The following RBM22 variants were observed in gnomAD, a reference collection of about 807,000 sequenced individuals.
The protein encoded by RBM22 is RNA binding motif protein 22.
RBM22 carries 1 observed loss-of-function variant against 50.1 expected under a neutral mutation model. That is an observed-to-expected ratio of 0.02 (90% confidence interval 0.01 to 0.09). The LOEUF (loss-of-function observed/expected upper bound fraction) is 0.09. RBM22 is among the 10% of genes least tolerant of loss of function. RBM22 has a pLI of 1.00. For missense variants in RBM22, 264 were observed against 529.3 expected (o/e 0.50, Z 4.92); for synonymous variants, 152 against 179.0 (o/e 0.85, Z 1.20).
chr5:150,697,175 A>G (rs569731766), intron 4 of RBM22, among the ~76,000 whole-genome samples: 2 of 152,234 alleles, frequency 1.3e-5, no homozygotes, highest in East Asian at 3.9e-4. Context: ...TAATCCTAGC[A>G]CTTTGCAAGG....
At chr5:150,700,818 C>T (rs1367847154) in intron 1 of RBM22, 114 bp downstream of exon 1, 1 of 1,603,118 alleles carries the variant, frequency 6.2e-7, no homozygotes, top group Non-Finnish European at 8.5e-7. Context: ...GCTAGGCCGC[C>T]GCGCTGGCTC....
chr5:150,694,122 T>C lies in RBM22; in HGVS notation c.865A>G (p.Asn289Asp). 1.2e-6 allele frequency: 2 copies of C among 1,614,130 alleles called. No individual in the cohort carries two copies. Among genetic ancestry groups the C allele is most frequent in the Non-Finnish European group, 1.7e-6 (2 of 1,180,032 alleles). Residue 289 changes from asparagine (N) to aspartate (D), a missense_variant, in exon 8 of 11, where the codon AAT becomes GAT. Coordinates refer to ENST00000199814, the MANE Select transcript of RBM22 (RefSeq NM_018047.3). The part of the protein sequence containing the change: ...AAEVAAEKSF[N>D]KLIVNGRRLN... ...CTGCGGCCATTTACAATCAACTTAT[T>C]AAAGGACTTCTCAGCAGCCACTTCT...
At chr5:150,695,344 TA>T in intron 7 of RBM22, 161 bp downstream of exon 7, 1 of 653,356 alleles carries the variant, frequency 1.5e-6, no homozygotes. Flanking sequence ...TGTGGCACCA[TA>T]AAGGACAATT....
Position 150,696,408 on chromosome 5 carries a change from G to T in RBM22, c.545+125C>A, listed in dbSNP as rs1759276794. ...TCTAAATTTCATAGTTCTAAGACAT[G>T]AGGTATACCACATTAGTTGTATGAC... On this transcript the variant is annotated intron_variant, in intron 6 of 10. Transcript: ENST00000199814. The surrounding 1 kb of genome is among the most constrained non-coding windows in gnomAD (Gnocchi z 4.3). 3 of 1,035,790 alleles carry T rather than the reference G, an allele frequency of 2.9e-6. No homozygotes were observed. Among genetic ancestry groups the T allele is most frequent in the African/African-American group, 3.2e-5 (2 of 62,266 alleles). 64.2% of individuals were successfully genotyped at this position (1,035,790 alleles called of 1,614,324 possible). A position where few individuals can be genotyped will look rare whatever the true frequency, so the allele number is the denominator to read the frequency against.
chr5:150,698,589 C>T lies in RBM22; in HGVS notation c.181G>A (p.Val61Ile). ...PFTVFRWCPG[V>I]RMRFKKTEVC... is the part of the protein sequence containing the mutation. Reference sequence around the variant, plus strand: ...TCAGTCTTCTTGAAACGCATGCGGACTCCAGGGCACCAGCGAAACACTGTG... The same window carrying T: ...TCAGTCTTCTTGAAACGCATGCGGATTCCAGGGCACCAGCGAAACACTGTG... The change falls in exon 4 of 11, where the codon GTC becomes ATC. Residue 61 changes from valine to isoleucine, a missense_variant. Physicochemically the swap from Val to Ile is conservative, Grantham distance 29. Coordinates refer to ENST00000199814, the MANE Select transcript of RBM22 (RefSeq NM_018047.3). The T allele has an allele frequency of 6.2e-7, 1 of 1,614,126 alleles. No individual in the cohort carries two copies. Among genetic ancestry groups the T allele is most frequent in the East Asian group, 2.2e-5 (1 of 44,876 alleles).
In RBM22 at chr5:150,691,280, G is replaced by C. The variant is rs1448721749; in HGVS notation, c.*471C>G. ...TCTTTCGGAGGGTGTGACTTCAAGA[G>C]TTAAATCACACTTAGGCCACTACAA... On this transcript the variant is annotated 3_prime_UTR_variant, in exon 11 of 11. Transcript: ENST00000199814. The C allele has an allele frequency of 6.6e-6, 1 of 152,320 alleles. No individual in the cohort carries two copies. Among genetic ancestry groups the C allele is most frequent in the Non-Finnish European group, 1.5e-5 (1 of 68,074 alleles). 9.4% of individuals were successfully genotyped at this position (152,320 alleles called of 1,614,324 possible).
intron 3 of RBM22, 104 bp from the exon 4 acceptor site, chr5:150,698,735 AT>A: frequency 7.1e-7 from 1 of 1,417,668 alleles, no homozygotes; most frequent in Non-Finnish European, 9.5e-7. Flanking sequence ...TGAATGTAGG[AT>A]TTAGAAGAGA....
In RBM22 at chr5:150,698,613, T is replaced by C; in HGVS notation, c.157A>G (p.Thr53Ala). 1 of 1,614,064 alleles carries C rather than the reference T, an allele frequency of 6.2e-7. No individual in the cohort carries two copies. Among genetic ancestry groups the C allele is most frequent in the Non-Finnish European group, 8.5e-7 (1 of 1,180,012 alleles). The change falls in exon 4 of 11, where the codon ACA (threonine) becomes GCA (alanine). Residue 53 changes from threonine (T) to alanine (A), a missense_variant. This residue lies in a region of RBM22 where 15 missense variants were observed against 99.4 expected (regional missense o/e 0.15). Coordinates refer to ENST00000199814, the MANE Select transcript of RBM22 (RefSeq NM_018047.3). ...KECKICARPF[T>A]VFRWCPGVRM... ...ACTCCAGGGCACCAGCGAAACACTGTGAATGGCCTGGCACAGATCTGGAAC... is the reference window on the plus strand; with the variant it reads ...ACTCCAGGGCACCAGCGAAACACTGCGAATGGCCTGGCACAGATCTGGAAC...
chr5:150,696,234 A>G lies in RBM22; in HGVS notation c.545+299T>C, dbSNP rs949305446. ...GTCTGACCTTACTTTGACTTCAACTATACATTGAGAGTCAACTCATTTAAA... is the reference window on the plus strand; with the variant it reads ...GTCTGACCTTACTTTGACTTCAACTGTACATTGAGAGTCAACTCATTTAAA... On this transcript the variant is annotated intron_variant, in intron 6 of 10. Transcript: ENST00000199814. The surrounding 1 kb of genome is among the most constrained non-coding windows in gnomAD (Gnocchi z 4.3). 1.3e-5 allele frequency among the ~76,000 whole-genome samples: 2 copies of G among 152,088 alleles called. No individual in the cohort carries two copies. The highest frequency in any genetic ancestry group is 4.1e-4 in the South Asian group (2 of 4,834).
chr5:150,694,388 T>C, intron 7 of RBM22, 148 bp from the exon 8 acceptor site: 7 of 1,268,630 alleles, frequency 5.5e-6, no homozygotes, highest in African/African-American at 1.5e-5. Context: ...CTCCACCCCA[T>C]ATCTTGTCCT....
chr5:150,700,184 C>G (rs1759326912), intron 2 of RBM22, among the ~76,000 whole-genome samples: 1 of 152,138 alleles, frequency 6.6e-6, no homozygotes, highest in Non-Finnish European at 1.5e-5. Flanking sequence ...AAGACACAAA[C>G]GCTCTCACCT....
In RBM22 at chr5:150,693,060, G is replaced by A. The variant is rs202104499; in HGVS notation, c.1001-34C>T. ...GAGAAAATAGTCAACACATAGAGGGGAGAACAATTGTGCAACGCTGTTTCT... is the reference window on the plus strand; with the variant it reads ...GAGAAAATAGTCAACACATAGAGGGAAGAACAATTGTGCAACGCTGTTTCT... On this transcript the variant is annotated intron_variant, in intron 9 of 10. Coordinates refer to ENST00000199814, the MANE Select transcript of RBM22 (RefSeq NM_018047.3). 1.4e-5 allele frequency: 22 copies of A among 1,585,466 alleles called. No individual in the cohort carries two copies. In the African/African-American group the frequency reaches 2.7e-4, roughly 19 times the overall value.
chr5:150,692,899 G>A lies in RBM22; in HGVS notation c.1128C>T (p.Pro376=). The change falls in exon 10 of 11, where the codon CCC becomes CCT. Residue 376 remains proline (P), a synonymous_variant. Coordinates refer to ENST00000199814, the MANE Select transcript of RBM22 (RefSeq NM_018047.3). ...PPPPGIAPPP[P]PGFGPHMFHP... is the part of the protein sequence containing the mutation. ...AAGAAGGAAGATGGAAGTTACCTGG[G>A]GGTGGGGGTGGAGCAATGCCAGGGG... The A allele has an allele frequency of 1.3e-5, 20 of 1,599,722 alleles. No individual in the cohort carries two copies. Among genetic ancestry groups the A allele is most frequent in the Non-Finnish European group, 1.6e-5 (19 of 1,173,856 alleles).
In RBM22 at chr5:150,692,994, C is replaced by T. The variant is rs759075356; in HGVS notation, c.1033G>A (p.Ala345Thr). 3 of 1,612,342 alleles carry T rather than the reference C, an allele frequency of 1.9e-6. No homozygotes were observed. The East Asian group carries it at 6.7e-5, about 36-fold the overall frequency. The change falls in exon 10 of 11, where the codon GCC becomes ACC. Residue 345 changes from alanine to threonine, a missense_variant. Ala to Thr is a moderately conservative substitution (Grantham distance 58, BLOSUM62 0). This residue lies in a region of RBM22 where 106 missense variants were observed against 137.1 expected (regional missense o/e 0.77). Transcript: ENST00000199814. ...GGCAAGTTGAAGTAGTTGGCAGAGG[C>T]TTCTTCTTCTGCTGCAGGAGGAGGA... ...LPPPPAAEEE[A>T]SANYFNLPPS... is the part of the protein sequence containing the mutation.
At position 150,696,887 on chromosome 5, in the gene RBM22, C is replaced by A; in HGVS notation, c.276G>T (p.Leu92=). ...QTCLLDLEYG[L]PIQVRDAGLS... ...ATCCTGCGTCACGAACCTGGATGGG[C>A]AGGCCTGGTACAAAAAAAGAGGAAA... Residue 92 remains leucine (L), a synonymous_variant, in exon 5 of 11, where the codon CTG becomes CTT. Transcript: ENST00000199814. This position sits in a 1 kb window ranked among gnomAD's most constrained non-coding sequence, Gnocchi z 4.3. 2 of 1,614,120 alleles carry A rather than the reference C, an allele frequency of 1.2e-6. No individual in the cohort carries two copies. The highest frequency in any genetic ancestry group is 1.7e-6 in the Non-Finnish European group (2 of 1,180,002).
Position 150,693,250 on chromosome 5 carries a change from G to A in RBM22, c.969C>T (p.Ile323=). The change falls in exon 9 of 11, where the codon ATC becomes ATT. Residue 323 remains isoleucine (I), a synonymous_variant. Coordinates refer to ENST00000199814, the MANE Select transcript of RBM22 (RefSeq NM_018047.3). The part of the protein sequence containing the change: ...KEKDGTTDSG[I]KLEPVPGLPG... ...GCAATCCTGGAACAGGTTCTAGTTT[G>A]ATCCCAGAGTCTGTAGTTCCATCTT... is the stretch of plus-strand genomic sequence containing the variant. 6.2e-7 allele frequency: 1 copy of A among 1,614,078 alleles called. No homozygotes were observed. Among genetic ancestry groups the A allele is most frequent in the Non-Finnish European group, 8.5e-7 (1 of 1,179,964 alleles).
intron 1 of RBM22, 110 bp from the exon 2 acceptor site, chr5:150,700,607 G>A: frequency 6.4e-7 from 1 of 1,565,784 alleles, no homozygotes; most frequent in Non-Finnish European, 8.6e-7. Flanking sequence ...ACTAGGCACG[G>A]CAGGAACCCG....
chr5:150,700,578 C>G lies in RBM22; in HGVS notation c.55-81G>C, dbSNP rs779942440. 36 of 1,600,640 alleles carry G rather than the reference C, an allele frequency of 2.2e-5. No individual in the cohort carries two copies. In the Middle Eastern group the frequency reaches 6.6e-4, roughly 29 times the overall value. On this transcript the variant is annotated intron_variant, in intron 1 of 10. Coordinates refer to ENST00000199814, the MANE Select transcript of RBM22 (RefSeq NM_018047.3). Reference sequence around the variant, plus strand: ...AGTGACACTTGGGGTGGCGAGGGGGCGGGAAGCGAGGGTGGGGAACTAGGC... The same window carrying G: ...AGTGACACTTGGGGTGGCGAGGGGGGGGGAAGCGAGGGTGGGGAACTAGGC...
At chr5:150,697,558 T>C (rs1403632259) in intron 4 of RBM22, among the ~76,000 whole-genome samples, 1 of 152,264 alleles carries the variant, frequency 6.6e-6, no homozygotes, top group Non-Finnish European at 1.5e-5. Context: ...GTGGTTTCTT[T>C]CTAGGTTAGT....
Sources: gnomAD v4.1 joint callset for allele counts (sites outside exome capture counted in the v4.1 genomes callset) on GRCh38, gnomAD v4.1.1 for gene constraint, gnomAD v4.1.1 regional missense constraint, Gnocchi (gnomAD v3.1) non-coding constraint, MANE v1.5 for transcripts, NCBI Gene and HGNC (gene_info 2026-07-23, HGNC 2026-07-21) for gene names.